ADD3: variants seen among roughly 807,000 people sequenced by gnomAD.
The protein encoded by ADD3 is adducin 3.
ADD3 carries 25 observed loss-of-function variants against 80.2 expected under a neutral mutation model. The ratio of observed to expected loss-of-function variants is 0.31; its 90% confidence interval spans 0.23 to 0.44. The LOEUF (loss-of-function observed/expected upper bound fraction) is 0.44. Ranked by LOEUF, ADD3 falls within the 20% of genes least tolerant of loss-of-function variation. ADD3 has a pLI of 1.00. For synonymous variants in ADD3, 284 were observed against 289.6 expected (o/e 0.98, Z 0.20); for missense variants, 829 against 847.5 (o/e 0.98, Z 0.27).
At chr10:110,088,126 G>A (rs1847030300) in intron 1 of ADD3, among the ~76,000 whole-genome samples, 1 of 152,014 alleles carries the variant, frequency 6.6e-6, no homozygotes, top group South Asian at 2.1e-4. Flanking sequence ...TTGGATTTAG[G>A]ACTCACCCTA....
rs190107754 is a variant in ADD3, at chr10:110,025,411, C to G, written c.-30+17112C>G. On this transcript the variant is annotated intron_variant, in intron 1 of 14. Coordinates refer to ENST00000356080, the MANE Select transcript of ADD3 (RefSeq NM_016824.5). ...TCTTCAGAGTGGTGGTAGCCAACTT[C>G]TGCCTCCATGGTTCAATTAAAAGCA... Among the ~76,000 whole-genome samples the G allele has an allele frequency of 6.2e-4, 94 of 152,210 alleles. 1 individual carries two copies. The highest frequency in any genetic ancestry group is 1.2e-3 in the Non-Finnish European group (83 of 68,024).
intron 1 of ADD3, among the ~76,000 whole-genome samples, chr10:110,014,472 T>C (rs1229992348): frequency 6.6e-6 from 1 of 152,212 alleles, no homozygotes; most frequent in Non-Finnish European, 1.5e-5. Flanking sequence ...CAGCCAACTT[T>C]TTAAAGGTGA....
At chr10:109,997,569 T>C (rs1851404830) in intron 1 of ADD3, 1 of 152,238 alleles carries the variant, frequency 6.6e-6, no homozygotes, top group Non-Finnish European at 1.5e-5. Context: ...CCCTTCACAA[T>C]GACAGTCTAT....
At chr10:110,086,424 A>G (rs150574548) in intron 1 of ADD3, among the ~76,000 whole-genome samples, 7 of 152,248 alleles carry the variant, frequency 4.6e-5, no homozygotes, top group African/African-American at 1.7e-4. Flanking sequence ...CAACAACAAC[A>G]AAAAACAGGC....
At chr10:110,001,779 A>G (rs952804717), upstream of ADD3, among the ~76,000 whole-genome samples, 2 of 152,136 alleles carry the variant, frequency 1.3e-5, no homozygotes, top group African/African-American at 2.4e-5. Context: ...AAACACTCCA[A>G]ATGGTTCTGT....
chr10:110,093,897 T>C (rs1847847779), intron 1 of ADD3, among the ~76,000 whole-genome samples: 3 of 152,336 alleles, frequency 2.0e-5, no homozygotes, highest in Middle Eastern at 3.4e-3. Flanking sequence ...CAAAATCTTA[T>C]TGTACTATAT....
intron 1 of ADD3, among the ~76,000 whole-genome samples, chr10:110,048,184 T>C (rs1015154243): frequency 1.6e-4 from 24 of 152,194 alleles, no homozygotes; most frequent in African/African-American, 5.8e-4. Flanking sequence ...TCTGCCACCA[T>C]GTAAGACATG....
intron 1 of ADD3, among the ~76,000 whole-genome samples, chr10:110,047,541 T>C (rs1297122378): frequency 2.6e-5 from 4 of 152,242 alleles, no homozygotes; most frequent in African/African-American, 9.6e-5. Context: ...AGATAATTTT[T>C]TAATGTATCC....
At chr10:110,081,047 A>AT (rs1214742049) in intron 1 of ADD3, among the ~76,000 whole-genome samples, 2 of 152,216 alleles carry the variant, frequency 1.3e-5, no homozygotes, top group East Asian at 3.8e-4. Flanking sequence ...ACTTCAATTG[A>AT]TTTGTGTAAT....
intron 1 of ADD3, among the ~76,000 whole-genome samples, chr10:110,029,502 T>C (rs867639915): frequency 1.1e-4 from 16 of 152,332 alleles, no homozygotes; most frequent in Middle Eastern, 6.8e-3. Context: ...TATTTCTGAT[T>C]TGCTATATAT....
upstream of ADD3, among the ~76,000 whole-genome samples, chr10:110,007,103 T>C (rs1422921425): frequency 3.3e-5 from 5 of 152,074 alleles, no homozygotes. Flanking sequence ...TGTGGATGGA[T>C]CCACAGCCCT....
At chr10:110,127,680 A>T (rs895581712) in intron 12 of ADD3, among the ~76,000 whole-genome samples, 3 of 152,206 alleles carry the variant, frequency 2.0e-5, no homozygotes, top group African/African-American at 7.2e-5. Flanking sequence ...GTCAACAGGT[A>T]ATCTCTCTGT....
intron 3 of ADD3, among the ~76,000 whole-genome samples, chr10:110,114,486 A>C (rs1850443805): frequency 6.6e-6 from 1 of 152,222 alleles, no homozygotes; most frequent in Non-Finnish European, 1.5e-5. Context: ...CGAGTACAAG[A>C]ATGAGGCTTA....
chr10:110,084,495 C>G (rs1846455131), intron 1 of ADD3, among the ~76,000 whole-genome samples: 1 of 152,154 alleles, frequency 6.6e-6, no homozygotes, highest in South Asian at 2.1e-4. Flanking sequence ...CTTATATGAA[C>G]AGATCATATG....
chr10:110,010,568 G>A (rs1266220426), intron 1 of ADD3, among the ~76,000 whole-genome samples: 2 of 152,128 alleles, frequency 1.3e-5, no homozygotes, highest in African/African-American at 2.4e-5. Context: ...CTTTTTGAAG[G>A]CTGTTAGGTC....
chr10:110,065,539 C>CCTTTTTTTTTTTTTTTTTTTTTTTT (rs1843806502), intron 1 of ADD3, among the ~76,000 whole-genome samples: 7 of 31,184 alleles, frequency 2.2e-4, no homozygotes, highest in African/African-American at 4.0e-4. Context: ...TCTCTCTCCC[C>CCTTTTTTTTTTTTTTTTTTTTTTTT]TTTTTTTTTT....
chr10:110,126,303 G>A, intron 11 of ADD3, 114 bp from the exon 12 acceptor site: 1 of 759,616 alleles, frequency 1.3e-6, no homozygotes, highest in South Asian at 1.7e-5. Flanking sequence ...GGTGGGAATT[G>A]AAGAGACTCT....
chr10:110,082,304 T>C (rs562074405), intron 1 of ADD3, among the ~76,000 whole-genome samples: 2 of 152,140 alleles, frequency 1.3e-5, no homozygotes, highest in African/African-American at 2.4e-5. Flanking sequence ...ATAAAAGTCA[T>C]GACAGTTAAA....
At chr10:110,001,334 G>A (rs1214611204), upstream of ADD3, among the ~76,000 whole-genome samples, 1 of 151,236 alleles carries the variant, frequency 6.6e-6, no homozygotes, top group Admixed American at 6.6e-5. Flanking sequence ...AGGATCGCTT[G>A]AGCCCGGAAG....
Sources: gnomAD v4.1 joint callset for allele counts (sites outside exome capture counted in the v4.1 genomes callset) on GRCh38, gnomAD v4.1.1 for gene constraint, MANE v1.5 for transcripts, NCBI Gene and HGNC (gene_info 2026-07-23, HGNC 2026-07-21) for gene names.